Variants in PHKB observed in about 807,000 individuals in gnomAD.
The protein encoded by PHKB is phosphorylase kinase regulatory subunit beta.
A neutral mutation model predicts 152.1 loss-of-function variants in PHKB; 122 were observed. The observed-to-expected ratio is 0.80, with a 90% CI of 0.69 to 0.93. The LOEUF (loss-of-function observed/expected upper bound fraction) is 0.93. Among genes scored for constraint, PHKB ranks in the 40% least tolerant of loss-of-function variants. The pLI is 0.00. For synonymous variants in PHKB, 436 were observed against 464.9 expected (o/e 0.94, Z 0.80); for missense variants, 1,304 against 1,328.4 (o/e 0.98, Z 0.29).
intron 13 of PHKB, among the ~76,000 whole-genome samples, chr16:47,608,407 C>T (rs1972366445): frequency 6.6e-6 from 1 of 152,178 alleles, no homozygotes; most frequent in Non-Finnish European, 1.5e-5. Flanking sequence ...ATCCAATTGT[C>T]TCAGCACTAT....
rs766592623 is a variant in PHKB, at chr16:47,660,669, T to TA, written c.2048dup (p.Ser684GlufsTer3). On this transcript the variant is annotated frameshift_variant, in exon 22 of 31. Coordinates refer to ENST00000323584, the MANE Select transcript of PHKB (RefSeq NM_000293.3). LOFTEE classifies it high-confidence loss of function. The stretch of plus-strand genomic sequence containing the variant: ...TTTTAATTTTTAGGCTTCCAGAATT[T>TA]AAGAGTTTTGAGGAACTAGAACCTC... 2.5e-6 allele frequency: 4 copies of TA among 1,613,994 alleles called. No homozygotes were observed. In the African/African-American group the frequency reaches 5.3e-5, roughly 22 times the overall value.
intron 4 of PHKB, among the ~76,000 whole-genome samples, chr16:47,509,549 G>A (rs1482001412): frequency 6.6e-6 from 1 of 152,150 alleles, no homozygotes; most frequent in Non-Finnish European, 1.5e-5. Context: ...GAGCAATACA[G>A]TACCCACTAG....
intron 14 of PHKB, among the ~76,000 whole-genome samples, chr16:47,614,320 C>T (rs909805134): frequency 6.6e-6 from 1 of 152,190 alleles, no homozygotes; most frequent in African/African-American, 2.4e-5. Flanking sequence ...GAGATTACAA[C>T]TAGACATGAA....
At chr16:47,635,129 A>C (rs1000928929) in intron 14 of PHKB, among the ~76,000 whole-genome samples, 2 of 152,132 alleles carry the variant, frequency 1.3e-5, no homozygotes, top group Non-Finnish European at 2.9e-5. Flanking sequence ...CATATTTTGG[A>C]GGTAGAGCCA....
intron 4 of PHKB, among the ~76,000 whole-genome samples, chr16:47,505,267 G>T (rs1970394200): frequency 6.6e-6 from 1 of 152,226 alleles, no homozygotes; most frequent in Admixed American, 6.5e-5. Context: ...CTTCTGGTAA[G>T]CAGACCTGGC....
chr16:47,539,244 T>C (rs535241653), intron 6 of PHKB, among the ~76,000 whole-genome samples: 1 of 152,312 alleles, frequency 6.6e-6, no homozygotes, highest in South Asian at 2.1e-4. Context: ...TTTGAGTTTA[T>C]AACAATGTAC....
chr16:47,696,906 A>G (rs1209168302), intron 29 of PHKB, among the ~76,000 whole-genome samples: 1 of 152,230 alleles, frequency 6.6e-6, no homozygotes, highest in Non-Finnish European at 1.5e-5. Context: ...AATTATAGAA[A>G]AGAATATAAG....
chr16:47,464,011 C>CAA lies in PHKB; in HGVS notation c.76+2588_76+2589dup. On this transcript the variant is annotated intron_variant, in intron 1 of 30. Transcript: ENST00000323584. ...AAGGTCTGGTAAGTGTTGTAGACCC[C>CAA]AAAAGGGTCACTTGGTAATTTTAAA... is the stretch of plus-strand genomic sequence containing the variant. 2 of 1,426,034 alleles carry CAA rather than the reference C, an allele frequency of 1.4e-6. No individual in the cohort carries two copies. The highest frequency in any genetic ancestry group is 2.0e-6 in the Non-Finnish European group (2 of 1,008,060). The allele number at this position is 1,426,034 out of a possible 1,614,324, so 88.3% of individuals were successfully genotyped here.
At chr16:47,622,153 G>C (rs1972628314) in intron 14 of PHKB, among the ~76,000 whole-genome samples, 2 of 152,006 alleles carry the variant, frequency 1.3e-5, no homozygotes, top group Admixed American at 1.3e-4. Context: ...ATCTAGTATT[G>C]TTTTAATGAA....
At chr16:47,632,429 T>C (rs921422294) in intron 14 of PHKB, among the ~76,000 whole-genome samples, 1 of 152,186 alleles carries the variant, frequency 6.6e-6, no homozygotes. Context: ...TGTTAATATA[T>C]GAAAAGAGTT....
At chr16:47,655,164 C>T (rs960342231) in intron 20 of PHKB, among the ~76,000 whole-genome samples, 3 of 152,032 alleles carry the variant, frequency 2.0e-5, no homozygotes, top group African/African-American at 7.2e-5. Context: ...CCAGTATACA[C>T]ACAGGAACTT....
Position 47,693,442 on chromosome 16 carries a change from C to T in PHKB, c.2830C>T (p.Arg944Ter), listed in dbSNP as rs1176631078. The T allele has an allele frequency of 3.7e-6, 6 of 1,613,914 alleles. No individual in the cohort carries two copies. Among genetic ancestry groups the T allele is most frequent in the Non-Finnish European group, 5.1e-6 (6 of 1,179,870 alleles). Reference protein sequence around the residue: ...LNRTPTGFYDRVWQILERTPN... With the variant: ...LNRTPTGFYD The stretch of plus-strand genomic sequence containing the variant: ...TAGAACTCCCACCGGGTTCTATGAC[C>T]GAGTGTGGCAGATTCTGGAGCGCAC... The change falls in exon 28 of 31, where the codon CGA becomes TGA. Residue 944 changes from arginine (R) to a stop codon, truncating the protein, a stop_gained. Coordinates refer to ENST00000323584, the MANE Select transcript of PHKB (RefSeq NM_000293.3). LOFTEE classifies it high-confidence loss of function.
At chr16:47,615,242 G>A (rs868628451) in intron 14 of PHKB, among the ~76,000 whole-genome samples, 1 of 152,184 alleles carries the variant, frequency 6.6e-6, no homozygotes, top group South Asian at 2.1e-4. Context: ...TGGAGCAGGG[G>A]TCGAGTAGAC....
intron 14 of PHKB, among the ~76,000 whole-genome samples, chr16:47,629,015 A>T (rs1972769076): frequency 6.6e-6 from 1 of 152,210 alleles, no homozygotes; most frequent in South Asian, 2.1e-4. Context: ...CTTATACAAA[A>T]ATCAATTCAA....
chr16:47,586,409 G>A (rs1597104401), intron 8 of PHKB, among the ~76,000 whole-genome samples: 1 of 152,176 alleles, frequency 6.6e-6, no homozygotes, highest in East Asian at 1.9e-4. Flanking sequence ...GTGGTTGAGA[G>A]ACAGCCTCAC....
chr16:47,504,663 G>A (rs1293438170), intron 4 of PHKB, among the ~76,000 whole-genome samples: 2 of 152,180 alleles, frequency 1.3e-5, no homozygotes, highest in African/African-American at 4.8e-5. Context: ...TAATTTCCAT[G>A]TGCCCCGTTT....
chr16:47,699,679 A>G lies in PHKB; in HGVS notation c.*313A>G. On this transcript the variant is annotated 3_prime_UTR_variant, in exon 31 of 31. Coordinates refer to ENST00000323584, the MANE Select transcript of PHKB (RefSeq NM_000293.3). ...TTGTATGATCAAATAGTTCATCAAA[A>G]TGAATCTTTGCTCTTTGGACTGAAT... 1 of 382,924 alleles carries G rather than the reference A, an allele frequency of 2.6e-6. No individual in the cohort carries two copies. The highest frequency in any genetic ancestry group is 4.9e-6 in the Non-Finnish European group (1 of 202,468). 23.7% of individuals were successfully genotyped at this position (382,924 alleles called of 1,614,324 possible). A position where few individuals can be genotyped will look rare whatever the true frequency, so the allele number is the denominator to read the frequency against.
At chr16:47,670,321 G>C (rs2142080617) in intron 26 of PHKB, among the ~76,000 whole-genome samples, 1 of 152,244 alleles carries the variant, frequency 6.6e-6, no homozygotes, top group African/African-American at 2.4e-5. Context: ...ACATGTATGT[G>C]TATGAGTGTG....
intron 1 of PHKB, among the ~76,000 whole-genome samples, chr16:47,473,200 C>G (rs1183183575): frequency 7.4e-6 from 1 of 134,554 alleles, no homozygotes; most frequent in Non-Finnish European, 1.6e-5. Flanking sequence ...TATAGGTGTG[C>G]ACTACCATGC....
Sources: gnomAD v4.1 joint callset for allele counts (sites outside exome capture counted in the v4.1 genomes callset) on GRCh38, gnomAD v4.1.1 for gene constraint, MANE v1.5 for transcripts, NCBI Gene and HGNC (gene_info 2026-07-23, HGNC 2026-07-21) for gene names.